The following TCF7L1 variants were observed in gnomAD, a reference collection of about 807,000 sequenced individuals.
The protein encoded by TCF7L1 is transcription factor 7-like 1.
Under a neutral mutation model 63.7 loss-of-function variants are expected in TCF7L1, and 18 were observed. The observed-to-expected ratio is 0.28, with a 90% CI of 0.20 to 0.42. TCF7L1 has a LOEUF of 0.42. TCF7L1 is among the 10% of genes least tolerant of loss of function. The pLI is 1.00. For missense variants in TCF7L1, 654 were observed against 779.3 expected (o/e 0.84, Z 1.91); for synonymous variants, 355 against 340.9 (o/e 1.04, Z -0.46).
Position 85,289,828 on chromosome 2 carries a change from C to T in TCF7L1, c.525+6250C>T, listed in dbSNP as rs187766920. ...CTGGGATTACAGGTATTCACCACCA[C>T]GCCCAGCTAATTTTTTTGTATTTTT... On this transcript the variant is annotated intron_variant, in intron 4 of 11. Coordinates refer to ENST00000282111, the MANE Select transcript of TCF7L1 (RefSeq NM_031283.3). Among the ~76,000 whole-genome samples, 149 of 152,090 alleles carry T rather than the reference C, an allele frequency of 9.8e-4. 3 individuals carry two copies. The East Asian group carries it at 0.025, about 25-fold the overall frequency.
At chr2:85,277,335 A>T (rs1251086189) in intron 3 of TCF7L1, among the ~76,000 whole-genome samples, 1 of 152,166 alleles carries the variant, frequency 6.6e-6, no homozygotes, top group East Asian at 1.9e-4. Context: ...GGTTCCTGTT[A>T]CATAGAGTTT....
intron 3 of TCF7L1, among the ~76,000 whole-genome samples, chr2:85,192,401 T>TA (rs1473792391): frequency 6.6e-5 from 10 of 152,108 alleles, no homozygotes; most frequent in South Asian, 2.1e-4. Flanking sequence ...ATTTTTTTTT[T>TA]ATTTATTTTT....
chr2:85,244,222 G>A (rs1452318988), intron 3 of TCF7L1, among the ~76,000 whole-genome samples: 1 of 152,168 alleles, frequency 6.6e-6, no homozygotes, highest in Non-Finnish European at 1.5e-5. Context: ...GGGACAGGGG[G>A]CTGGTCACAG....
chr2:85,295,369 T>C (rs1234770507), intron 4 of TCF7L1, among the ~76,000 whole-genome samples: 1 of 151,964 alleles, frequency 6.6e-6, no homozygotes, highest in Non-Finnish European at 1.5e-5. Context: ...GCCCGGCTAA[T>C]TTTGTATTTT....
intron 4 of TCF7L1, among the ~76,000 whole-genome samples, chr2:85,289,034 A>T (rs1558657435): frequency 6.6e-6 from 1 of 152,198 alleles, no homozygotes; most frequent in African/African-American, 2.4e-5. Flanking sequence ...TTCTCTACCC[A>T]CATTTACCCA....
chr2:85,172,663 T>C (rs1303974439), intron 3 of TCF7L1, among the ~76,000 whole-genome samples: 2 of 152,174 alleles, frequency 1.3e-5, no homozygotes, highest in African/African-American at 4.8e-5. Context: ...TGACCTCAGG[T>C]GATCTGCCCG....
chr2:85,268,673 C>T (rs963543523), intron 3 of TCF7L1, among the ~76,000 whole-genome samples: 2 of 151,636 alleles, frequency 1.3e-5, no homozygotes, highest in Non-Finnish European at 2.9e-5. Flanking sequence ...AACTCCTGAC[C>T]TCAGGTGACC....
At chr2:85,279,353 G>A (rs552005969) in intron 3 of TCF7L1, among the ~76,000 whole-genome samples, 11 of 152,164 alleles carry the variant, frequency 7.2e-5, no homozygotes, top group Non-Finnish European at 1.3e-4. Flanking sequence ...GAGCCCAGGC[G>A]TTGAAGACGA....
At chr2:85,140,597 G>A (rs1029247732) in intron 3 of TCF7L1, among the ~76,000 whole-genome samples, 2 of 131,166 alleles carry the variant, frequency 1.5e-5, no homozygotes, top group Non-Finnish European at 3.2e-5. Context: ...TCAGGAGTTC[G>A]AGATCAGCCT....
At chr2:85,248,923 C>A (rs1680529730) in intron 3 of TCF7L1, among the ~76,000 whole-genome samples, 1 of 152,044 alleles carries the variant, frequency 6.6e-6, no homozygotes, top group Non-Finnish European at 1.5e-5. Context: ...GCAACCCGTG[C>A]CTCCTCCCAG....
chr2:85,175,880 A>AGCCAC (rs1678668811), intron 3 of TCF7L1, among the ~76,000 whole-genome samples: 1 of 152,210 alleles, frequency 6.6e-6, no homozygotes, highest in Non-Finnish European at 1.5e-5. Context: ...CGCTGTCACC[A>AGCCAC]GCCACGTTTA....
At chr2:85,176,041 G>A (rs1230511063) in intron 3 of TCF7L1, among the ~76,000 whole-genome samples, 1 of 152,242 alleles carries the variant, frequency 6.6e-6, no homozygotes, top group Non-Finnish European at 1.5e-5. Context: ...TTTGTAGGAA[G>A]CCATCTCCTC....
At chr2:85,271,664 A>C (rs1681155860) in intron 3 of TCF7L1, among the ~76,000 whole-genome samples, 1 of 152,146 alleles carries the variant, frequency 6.6e-6, no homozygotes, top group East Asian at 1.9e-4. Flanking sequence ...CTAGTTATTT[A>C]TGTACTTTAA....
chr2:85,228,750 T>C (rs1054131579), intron 3 of TCF7L1, among the ~76,000 whole-genome samples: 1 of 151,846 alleles, frequency 6.6e-6, no homozygotes, highest in Non-Finnish European at 1.5e-5. Flanking sequence ...GCTCGGTGGC[T>C]CACGCCTGTA....
At chr2:85,258,849 C>T (rs919918115) in intron 3 of TCF7L1, among the ~76,000 whole-genome samples, 22 of 152,316 alleles carry the variant, frequency 1.4e-4, no homozygotes, top group Middle Eastern at 3.4e-3. Context: ...CCTCCGAAGG[C>T]GTCTTTAGGA....
At position 85,196,454 on chromosome 2, in the gene TCF7L1, C is replaced by G. The variant is rs114622158; in HGVS notation, c.441+62004C>G. ...TGTGCAGCAGTGATTCTCAGCCCAG[C>G]AGCACATTGGAATTACCTGGGGAGC... On this transcript the variant is annotated intron_variant, in intron 3 of 11. Coordinates refer to ENST00000282111, the MANE Select transcript of TCF7L1 (RefSeq NM_031283.3). 4.1e-3 allele frequency among the ~76,000 whole-genome samples: 628 copies of G among 152,252 alleles called. 8 individuals are homozygous for G. Among genetic ancestry groups the G allele is most frequent in the African/African-American group, 0.015 (616 of 41,548 alleles).
chr2:85,193,131 A>G (rs1409677118), intron 3 of TCF7L1, among the ~76,000 whole-genome samples: 1 of 152,120 alleles, frequency 6.6e-6, no homozygotes, highest in African/African-American at 2.4e-5. Context: ...TGTGCTTGAT[A>G]TTTATGTAGA....
chr2:85,271,175 C>T (rs548130644), intron 3 of TCF7L1, among the ~76,000 whole-genome samples: 4 of 152,214 alleles, frequency 2.6e-5, no homozygotes, highest in South Asian at 2.1e-4. Context: ...TTCAATGGTG[C>T]GATCTCAGCT....
At chr2:85,156,707 C>G (rs1044452616) in intron 3 of TCF7L1, among the ~76,000 whole-genome samples, 1 of 152,220 alleles carries the variant, frequency 6.6e-6, no homozygotes, top group Non-Finnish European at 1.5e-5. Context: ...AATTGAGTTC[C>G]TCTGCTCTCA....
Sources: gnomAD v4.1 joint callset for allele counts (sites outside exome capture counted in the v4.1 genomes callset) on GRCh38, gnomAD v4.1.1 for gene constraint, MANE v1.5 for transcripts, NCBI Gene and HGNC (gene_info 2026-07-23, HGNC 2026-07-21) for gene names.